PLA2G4E: variants seen among roughly 807,000 people sequenced by gnomAD.
PLA2G4E encodes cytosolic phospholipase A2 epsilon.
Under a neutral mutation model 109.1 loss-of-function variants are expected in PLA2G4E, and 84 were observed. That is an observed-to-expected ratio of 0.77 (90% confidence interval 0.65 to 0.92). The LOEUF is 0.92. PLA2G4E is among the 40% of genes least tolerant of loss of function. PLA2G4E has a pLI of 0.00. For synonymous variants in PLA2G4E, 469 were observed against 436.1 expected (o/e 1.08, Z -0.94); for missense variants, 1,057 against 1,076.6 (o/e 0.98, Z 0.25).
At chr15:42,047,705 T>C (rs1211002985) in intron 1 of PLA2G4E, among the ~76,000 whole-genome samples, 1 of 152,170 alleles carries the variant, frequency 6.6e-6, no homozygotes, top group Admixed American at 6.5e-5. Flanking sequence ...CATACATATA[T>C]ACACACCCTC....
intron 1 of PLA2G4E, among the ~76,000 whole-genome samples, chr15:42,020,231 G>A (rs2068635506): frequency 6.6e-6 from 1 of 152,250 alleles, no homozygotes; most frequent in African/African-American, 2.4e-5. Context: ...CTTGAGCCGG[G>A]GAGGTGGCCC....
intron 1 of PLA2G4E, among the ~76,000 whole-genome samples, chr15:42,023,929 C>T (rs1267791669): frequency 6.6e-6 from 1 of 152,168 alleles, no homozygotes; most frequent in African/African-American, 2.4e-5. Context: ...GTGCCTCTGT[C>T]CCAGGTGGGA....
At chr15:42,003,237 A>G (rs1033418278) in intron 5 of PLA2G4E, among the ~76,000 whole-genome samples, 6 of 152,238 alleles carry the variant, frequency 3.9e-5, no homozygotes, top group African/African-American at 1.4e-4. Context: ...AATTAAGCCC[A>G]AGGTGACTGT....
chr15:41,985,831 G>C lies in PLA2G4E; in HGVS notation c.2202+8C>G. Reference sequence around the variant, plus strand: ...AGCCCATGCTCAGGAGGGAGGCTGCGCACTTGCCTTTGTCTGGGACCCAGC... The same window carrying C: ...AGCCCATGCTCAGGAGGGAGGCTGCCCACTTGCCTTTGTCTGGGACCCAGC... On this transcript the variant is annotated splice_region_variant and intron_variant, in intron 18 of 19. Coordinates refer to ENST00000399518, the Ensembl canonical transcript of PLA2G4E. The C allele has an allele frequency of 2.5e-6, 4 of 1,606,816 alleles. No homozygotes were observed. Among genetic ancestry groups the C allele is most frequent in the Non-Finnish European group, 3.4e-6 (4 of 1,176,896 alleles).
intron 1 of PLA2G4E, among the ~76,000 whole-genome samples, chr15:42,026,313 G>C (rs907622285): frequency 6.6e-6 from 1 of 152,236 alleles, no homozygotes; most frequent in East Asian, 1.9e-4. Context: ...ACAAGTCAAT[G>C]GGAAAAGAAT....
At chr15:42,005,058 G>A in intron 4 of PLA2G4E, 80 bp from the exon 5 acceptor site, 1 of 1,545,940 alleles carries the variant, frequency 6.5e-7, no homozygotes. Flanking sequence ...CACCCTGGGA[G>A]CCGCTGTGGA....
intron 11 of PLA2G4E, among the ~76,000 whole-genome samples, 188 bp downstream of exon 11, chr15:41,996,936 C>T (rs76775334): frequency 0.013 from 1,981 of 152,304 alleles, 40 homozygotes; most frequent in African/African-American, 0.044. Flanking sequence ...CCATTTTGCT[C>T]TCCCCTTCTC....
At chr15:41,989,275 G>A in intron 15 of PLA2G4E, 140 bp downstream of exon 15, 3 of 1,212,900 alleles carry the variant, frequency 2.5e-6, no homozygotes, top group Non-Finnish European at 3.4e-6. Flanking sequence ...ACCAACTCTG[G>A]TCCCCAGTGA....
At chr15:41,984,012 T>C (rs373562382) in intron 19 of PLA2G4E, 38 bp from the exon 20 acceptor site, 466 of 1,546,518 alleles carry the variant, frequency 3.0e-4, no homozygotes, top group Non-Finnish European at 3.8e-4. Context: ...GACTCTGTCA[T>C]GTTAGGTTGG....
At chr15:42,012,126 G>A (rs1365217093) in intron 2 of PLA2G4E, among the ~76,000 whole-genome samples, 1 of 152,186 alleles carries the variant, frequency 6.6e-6, no homozygotes, top group African/African-American at 2.4e-5. Flanking sequence ...TGGTCCCTTT[G>A]CTGTCTCTGG....
intron 18 of PLA2G4E, among the ~76,000 whole-genome samples, chr15:41,984,996 A>G (rs2068116992): frequency 6.6e-6 from 1 of 152,218 alleles, no homozygotes; most frequent in Non-Finnish European, 1.5e-5. Context: ...ACAGTAGTAC[A>G]GGGCTAGAAA....
chr15:42,002,264 C>CAAAAAAAAAAAAAAAAAA lies in PLA2G4E; in HGVS notation c.609+372_609+389dup, dbSNP rs71108143. On this transcript the variant is annotated intron_variant, in intron 6 of 19. Transcript: ENST00000399518. ...TGGGCGACAGAGTGAGACCTTGTCT[C>CAAAAAAAAAAAAAAAAAA]AAAAAAAAAAAAAAAAAAAAAAAGG... Among the ~76,000 whole-genome samples the CAAAAAAAAAAAAAAAAAA allele has an allele frequency of 2.3e-3, 165 of 73,194 alleles. 8 individuals are homozygous for CAAAAAAAAAAAAAAAAAA. Among genetic ancestry groups the CAAAAAAAAAAAAAAAAAA allele is most frequent in the African/African-American group, 9.8e-3 (159 of 16,160 alleles). The allele number at this position is 73,194 out of a possible 152,430, so 48.0% of individuals were successfully genotyped here. A position where few individuals can be genotyped will look rare whatever the true frequency, so the allele number is the denominator to read the frequency against.
At chr15:42,046,973 G>T (rs8028419) in intron 1 of PLA2G4E, among the ~76,000 whole-genome samples, 14,317 of 152,178 alleles carry the variant, frequency 0.094, 723 homozygotes, top group South Asian at 0.19. Context: ...CCAGAAAAGA[G>T]GAAGGCCTGA....
At chr15:42,031,504 A>C in intron 1 of PLA2G4E, among the ~76,000 whole-genome samples, 1 of 150,870 alleles carries the variant, frequency 6.6e-6, no homozygotes, top group African/African-American at 2.4e-5. Context: ...TCCTCCTCTC[A>C]TTTTCCTCTC....
chr15:42,033,420 C>G (rs1889150109), intron 1 of PLA2G4E, among the ~76,000 whole-genome samples: 1 of 152,166 alleles, frequency 6.6e-6, no homozygotes, highest in African/African-American at 2.4e-5. Flanking sequence ...ACTGAGGAAA[C>G]AGAGGAGTGG....
At position 41,983,632 on chromosome 15, in the gene PLA2G4E, C is replaced by T. The variant is rs917312683; in HGVS notation, c.*122G>A. The T allele has an allele frequency of 3.4e-6, 3 of 884,594 alleles. No individual in the cohort carries two copies. The African/African-American group carries it at 5.1e-5, about 15-fold the overall frequency. The allele number at this position is 884,594 out of a possible 1,614,324, so 54.8% of individuals were successfully genotyped here. A position where few individuals can be genotyped will look rare whatever the true frequency, so the allele number is the denominator to read the frequency against. The stretch of plus-strand genomic sequence containing the variant: ...TTTACTTTTCGTTAGAAAGCCCAGG[C>T]CAACCTGCTCACACCCATTGCCGGA... On this transcript the variant is annotated 3_prime_UTR_variant, in exon 20 of 20. Coordinates refer to ENST00000399518, the Ensembl canonical transcript of PLA2G4E.
At chr15:42,019,403 G>C (rs964501822) in intron 1 of PLA2G4E, among the ~76,000 whole-genome samples, 3 of 152,234 alleles carry the variant, frequency 2.0e-5, no homozygotes, top group Non-Finnish European at 4.4e-5. Flanking sequence ...TTCAGAGGTG[G>C]TGGATCCGAT....
chr15:42,034,419 G>T (rs1889171104), intron 1 of PLA2G4E, among the ~76,000 whole-genome samples: 1 of 152,210 alleles, frequency 6.6e-6, no homozygotes, highest in South Asian at 2.1e-4. Flanking sequence ...GGTTGACTGT[G>T]TCTGTATGTG....
chr15:41,996,916 C>T (rs544870516), intron 11 of PLA2G4E, among the ~76,000 whole-genome samples: 105 of 152,310 alleles, frequency 6.9e-4, no homozygotes, highest in Non-Finnish European at 1.3e-3. Context: ...GGGCTCTGTC[C>T]TTTCTGTCTC....
Sources: allele counts gnomAD v4.1 joint callset (sites outside exome capture counted in the v4.1 genomes callset), GRCh38; gene constraint gnomAD v4.1.1; transcripts MANE v1.5; gene names NCBI Gene and HGNC (gene_info 2026-07-23, HGNC 2026-07-21).